Variants in GPM6B observed in about 807,000 individuals in gnomAD.
GPM6B encodes glycoprotein M6B, also known as neuronal membrane glycoprotein M6-b.
Under a neutral mutation model 27.2 loss-of-function variants are expected in GPM6B, and 4 were observed. The observed-to-expected ratio is 0.15, with a 90% confidence interval of 0.07 to 0.34. The LOEUF is 0.34. Ranked by LOEUF, GPM6B falls within the 10% of genes least tolerant of loss-of-function variation. The pLI, the probability that GPM6B is intolerant of heterozygous loss-of-function variation, is 1.00. For synonymous variants in GPM6B, 124 were observed against 103.1 expected (o/e 1.20, Z -1.23); for missense variants, 183 against 261.9 (o/e 0.70, Z 2.08).
intron 1 of GPM6B, among the ~76,000 whole-genome samples, chrX:13,895,915 G>C (rs138888580): frequency 0.015 from 1,619 of 108,114 alleles, 27 homozygotes; most frequent in African/African-American, 0.052. Context: ...AGGCCCAGAT[G>C]GGAGGACCAC....
intron 2 of GPM6B, among the ~76,000 whole-genome samples, chrX:13,796,865 A>G (rs2048825550): frequency 8.9e-6 from 1 of 112,185 alleles, no homozygotes; most frequent in African/African-American, 3.2e-5. Flanking sequence ...CAAATCCAAC[A>G]ACCAGATACT....
chrX:13,865,542 C>CAAAA (rs1171503867), intron 1 of GPM6B, among the ~76,000 whole-genome samples: 958 of 14,541 alleles, frequency 0.066, 77 homozygotes, highest in South Asian at 0.21. Flanking sequence ...TCCATCTCTT[C>CAAAA]AAAAAAAAAA....
intron 6 of GPM6B, among the ~76,000 whole-genome samples, chrX:13,777,115 A>G (rs1019812926): frequency 9.0e-6 from 1 of 111,513 alleles, no homozygotes; most frequent in African/African-American, 3.3e-5. Context: ...CCCAAAGGAA[A>G]AGCCCTCCAC....
chrX:13,783,381 C>T lies in GPM6B; in HGVS notation c.509G>A (p.Arg170Gln), dbSNP rs770553728. Reference sequence around the variant, plus strand: ...TCAACTCACCATTCCACTGATGCATCGGCCACAAGCGGTTGTTTTAAACTC... The same window carrying T: ...TCAACTCACCATTCCACTGATGCATTGGCCACAAGCGGTTGTTTTAAACTC... ...HGEFKTTACG[R>Q]CISGMFVFLT... The change falls in exon 4 of 8, where the codon CGA becomes CAA. Residue 170 changes from arginine (R) to glutamine (Q), a missense_variant. Arg to Gln is a conservative substitution (Grantham distance 43, BLOSUM62 1). Coordinates refer to ENST00000316715, the MANE Select transcript of GPM6B (RefSeq NM_001001995.3). 57 of 1,188,684 alleles carry T rather than the reference C, an allele frequency of 4.8e-5. No individual in the cohort carries two copies. The highest frequency in any genetic ancestry group is 6.3e-5 in the Non-Finnish European group (56 of 884,846).
intron 1 of GPM6B, among the ~76,000 whole-genome samples, chrX:13,830,068 C>T (rs953958387): frequency 5.4e-5 from 6 of 111,042 alleles, no homozygotes; most frequent in African/African-American, 1.6e-4. Flanking sequence ...TGAAGTCCAA[C>T]GGGACCATGA....
At position 13,812,044 on chromosome X, in the gene GPM6B, C is replaced by CTTTTTTTTT. The variant is rs752162419; in HGVS notation, c.62-4276_62-4275insAAAAAAAAA. Among the ~76,000 whole-genome samples, 15 of 82,650 alleles carry CTTTTTTTTT rather than the reference C, an allele frequency of 1.8e-4. 2 individuals are homozygous for CTTTTTTTTT. The highest frequency in any genetic ancestry group is 6.4e-4 in the South Asian group (1 of 1,553). The allele number at this position is 82,650 out of a possible 115,157, so 71.8% of individuals were successfully genotyped here. A position where few individuals can be genotyped will look rare whatever the true frequency, so the allele number is the denominator to read the frequency against. On this transcript the variant is annotated intron_variant, in intron 1 of 7. Transcript: ENST00000316715. Reference sequence around the variant, plus strand: ...TTTCAAAGGAGAACACTTTTCTTTTCTTTCTTTTTTTTTTTTTTTTTTTGA... The same window carrying CTTTTTTTTT: ...TTTCAAAGGAGAACACTTTTCTTTTCTTTTTTTTTTTTCTTTTTTTTTTTTTTTTTTTGA...
rs139816079 is a variant in GPM6B at position 13,804,174 on chromosome X, C to T, written c.181+3476G>A. 9.2e-3 allele frequency among the ~76,000 whole-genome samples: 1,022 copies of T among 111,425 alleles called. 11 individuals carry two copies. The highest frequency in any genetic ancestry group is 0.031 in the African/African-American group (935 of 30,608). On this transcript the variant is annotated intron_variant, in intron 2 of 7. Coordinates refer to ENST00000316715, the MANE Select transcript of GPM6B (RefSeq NM_001001995.3). ...CCTGGGACTCTGCATTTCTAACGAGCTCCTGGAGGTGTTGATTCTGCTGGT... is the reference window on the plus strand; with the variant it reads ...CCTGGGACTCTGCATTTCTAACGAGTTCCTGGAGGTGTTGATTCTGCTGGT...
chrX:13,843,285 T>C (rs1426120790), intron 1 of GPM6B, among the ~76,000 whole-genome samples: 1 of 112,330 alleles, frequency 8.9e-6, no homozygotes, highest in African/African-American at 3.2e-5. Flanking sequence ...TCCTTTCTTT[T>C]TATTGCTGAA....
At chrX:13,798,910 C>T (rs908639044) in intron 2 of GPM6B, among the ~76,000 whole-genome samples, 1 of 112,327 alleles carries the variant, frequency 8.9e-6, no homozygotes, top group Non-Finnish European at 1.9e-5. Flanking sequence ...GAAACTCCCC[C>T]GGATTGGGAA....
intron 1 of GPM6B, among the ~76,000 whole-genome samples, chrX:13,808,665 T>G (rs1423039727): frequency 1.8e-5 from 2 of 110,833 alleles, no homozygotes; most frequent in Non-Finnish European, 3.8e-5. Flanking sequence ...CCACAAATAT[T>G]TAAGGATTAA....
At chrX:13,813,393 T>C (rs2049175319) in intron 1 of GPM6B, among the ~76,000 whole-genome samples, 1 of 112,108 alleles carries the variant, frequency 8.9e-6, no homozygotes, top group Non-Finnish European at 1.9e-5. Context: ...CTGTAATTTA[T>C]TTTAAATTAC....
At chrX:13,921,573 C>T (rs995294039) in intron 1 of GPM6B, among the ~76,000 whole-genome samples, 1 of 55,970 alleles carries the variant, frequency 1.8e-5, no homozygotes, top group Non-Finnish European at 3.8e-5. Context: ...ACATTTATAA[C>T]CCCCCCCCTT....
intron 1 of GPM6B, among the ~76,000 whole-genome samples, chrX:13,916,326 A>G (rs1368533197): frequency 8.9e-6 from 1 of 112,268 alleles, no homozygotes; most frequent in Non-Finnish European, 1.9e-5. Context: ...CTAAACAGAA[A>G]GAAAAAACCA....
chrX:13,775,343 C>G (rs949510803), intron 7 of GPM6B, among the ~76,000 whole-genome samples: 3 of 113,020 alleles, frequency 2.7e-5, no homozygotes, highest in Non-Finnish European at 5.6e-5. Flanking sequence ...TTGAGTTGCC[C>G]GGTATGCACA....
At chrX:13,924,058 T>C (rs1411625240) in intron 1 of GPM6B, among the ~76,000 whole-genome samples, 2 of 111,787 alleles carry the variant, frequency 1.8e-5, no homozygotes, top group Non-Finnish European at 3.8e-5. Flanking sequence ...AGGTGTTACC[T>C]TGTTGACTAT....
At chrX:13,780,582 C>T (rs929203535) in intron 4 of GPM6B, among the ~76,000 whole-genome samples, 2 of 111,989 alleles carry the variant, frequency 1.8e-5, no homozygotes, top group African/African-American at 3.2e-5. Flanking sequence ...GCTTAATGCT[C>T]GATCTATAAA....
chrX:13,782,492 C>T (rs753894683), intron 4 of GPM6B, among the ~76,000 whole-genome samples: 52 of 111,376 alleles, frequency 4.7e-4, no homozygotes, highest in African/African-American at 1.7e-3. Flanking sequence ...AGGGGGAAAG[C>T]TGTCATTTTA....
In GPM6B at chrX:13,867,088, C is replaced by CA. The variant is rs58478747; in HGVS notation, c.-198+71238dup. ...TTAGGCTGAGGGAAATCTCTAGACA[C>CA]AAACCATGGGAATCATGAAGAGGCA... On this transcript the variant is annotated intron_variant, in intron 1 of 6. Transcript: ENST00000398361. Among the ~76,000 whole-genome samples, 1,009 of 101,734 alleles carry CA rather than the reference C, an allele frequency of 9.9e-3. 8 individuals carry two copies. The highest frequency in any genetic ancestry group is 0.035 in the African/African-American group (973 of 27,635). The allele number at this position is 101,734 out of a possible 115,157, so 88.3% of individuals were successfully genotyped here.
chrX:13,868,770 AAT>A (rs1408323115), intron 1 of GPM6B, among the ~76,000 whole-genome samples: 1 of 112,216 alleles, frequency 8.9e-6, no homozygotes, highest in African/African-American at 3.2e-5. Flanking sequence ...ACACTTATTC[AAT>A]AAAGCAATTC....
Sources: gnomAD v4.1 joint callset for allele counts (sites outside exome capture counted in the v4.1 genomes callset) on GRCh38, gnomAD v4.1.1 for gene constraint, MANE v1.5 for transcripts, NCBI Gene and HGNC (gene_info 2026-07-23, HGNC 2026-07-21) for gene names.